TBX18: variants seen among roughly 807,000 people sequenced by gnomAD.
The protein encoded by TBX18 is T-box transcription factor 18.
TBX18 carries 21 observed loss-of-function variants against 55.0 expected under a neutral mutation model. That is an observed-to-expected ratio of 0.38 (90% CI 0.27 to 0.55). The LOEUF is 0.55. TBX18 is among the 20% of genes least tolerant of loss of function. The pLI is 0.73. For synonymous variants in TBX18, 342 were observed against 326.1 expected, an observed-to-expected ratio of 1.05 and a Z score of -0.53; for missense variants, 840 against 799.6, an observed-to-expected ratio of 1.05 and a Z score of -0.61.
intron 4 of TBX18, among the ~76,000 whole-genome samples, chr6:84,755,170 T>A (rs929144274): frequency 2.0e-5 from 3 of 152,142 alleles, no homozygotes; most frequent in Non-Finnish European, 4.4e-5. Flanking sequence ...ATTTAGTACA[T>A]TAGATATTAG....
intron 4 of TBX18, among the ~76,000 whole-genome samples, chr6:84,756,050 C>T (rs889513046): frequency 6.6e-6 from 1 of 152,238 alleles, no homozygotes; most frequent in East Asian, 1.9e-4. Flanking sequence ...AGCATGTATC[C>T]AGTTACTTAT....
chr6:84,736,074 ATGGGT>A lies in TBX18; in HGVS notation c.*606_*610del, dbSNP rs1773931274. The A allele has an allele frequency of 6.6e-6, 1 of 152,536 alleles. No individual in the cohort carries two copies. The highest frequency in any genetic ancestry group is 2.1e-4 in the South Asian group (1 of 4,832). The allele number at this position is 152,536 out of a possible 1,614,324, so 9.4% of individuals were successfully genotyped here. ...CTTCCTTAAGAAAATAACAATTATT[ATGGGT>A]TATGATTTTTTTATAGACCCAAGGT... On this transcript the variant is annotated 3_prime_UTR_variant, in exon 8 of 8. Transcript: ENST00000369663.
rs1215451977 is a variant in TBX18, at chr6:84,736,895, G to C, written c.1614C>G (p.Pro538=). The change falls in exon 8 of 8, where the codon CCC becomes CCG. Residue 538 remains proline (P), a synonymous_variant. Transcript: ENST00000369663. ...TTTTCTCAGGACTGGCAGCCAGTTT[G>C]GGGGATGTGGAGAAGTTATATCCAT... ...ALYGYNFSTS[P]KLAASPEKIV... is the part of the protein sequence containing the mutation. The C allele has an allele frequency of 1.9e-6, 3 of 1,613,218 alleles. No homozygotes were observed. Among genetic ancestry groups the C allele is most frequent in the Non-Finnish European group, 2.5e-6 (3 of 1,179,656 alleles).
rs778007857 is a variant in TBX18 at position 84,760,370 on chromosome 6, C to T, written c.498-14G>A. On this transcript the variant is annotated splice_polypyrimidine_tract_variant and intron_variant, in intron 2 of 7. Transcript: ENST00000369663. ...GGAAACATGCGCCTATTTAAAAAGG[C>T]GAAGAGAAAGAGGGTTTGGGGTTTT... 16 of 1,587,096 alleles carry T rather than the reference C, an allele frequency of 1.0e-5. No homozygotes were observed. In the Admixed American group the frequency reaches 1.0e-4, roughly 10 times the overall value.
chr6:84,738,500 G>T lies in TBX18; in HGVS notation c.1096C>A (p.Gln366Lys), dbSNP rs981184625. 6.2e-7 allele frequency: 1 copy of T among 1,613,650 alleles called. No homozygotes were observed. The highest frequency in any genetic ancestry group is 1.3e-5 in the African/African-American group (1 of 75,014). Residue 366 changes from glutamine to lysine, a missense_variant, in exon 7 of 8, where the codon CAA becomes AAA. Gln to Lys is a moderately conservative substitution (Grantham distance 53). Transcript: ENST00000369663. The part of the protein sequence containing the change: ...TFEDIPGIPK[Q>K]GNASSSTLLQ... ...CCCAGGAGACTTTGTGAGTTACCTT[G>T]CTTGGGAATTCCAGGGATATCTTCA...
At chr6:84,743,804 A>G (rs942687532) in intron 6 of TBX18, among the ~76,000 whole-genome samples, 2 of 152,230 alleles carry the variant, frequency 1.3e-5, no homozygotes, top group Non-Finnish European at 2.9e-5. Flanking sequence ...ACTAAAGAAC[A>G]TCAGCTCTCT....
At position 84,756,842 on chromosome 6, in the gene TBX18, C is replaced by T. The variant is rs1192639632; in HGVS notation, c.627G>A (p.Met209Ile). The T allele has an allele frequency of 6.2e-7, 1 of 1,614,104 alleles. No homozygotes were observed. The highest frequency in any genetic ancestry group is 2.2e-5 in the East Asian group (1 of 44,872). The change falls in exon 4 of 8, where the codon ATG becomes ATA. Residue 209 changes from methionine to isoleucine, a missense_variant. Coordinates refer to ENST00000369663, the MANE Select transcript of TBX18 (RefSeq NM_001080508.3). ...CAGGCGAGTCAGCATTACCTGCCAC[C>T]ATCCATTTCGAACTGTGGTAAACAT... ...YRYVYHSSKW[M>I]VAGNADSPVP...
At chr6:84,738,213 A>G (rs1283804240) in intron 7 of TBX18, among the ~76,000 whole-genome samples, 1 of 152,148 alleles carries the variant, frequency 6.6e-6, no homozygotes, top group African/African-American at 2.4e-5. Flanking sequence ...TGTGAACAGG[A>G]CCTGGCATCA....
At chr6:84,762,514 G>A (rs768088166) in intron 2 of TBX18, 30 bp downstream of exon 2, 1 of 1,612,042 alleles carries the variant, frequency 6.2e-7, no homozygotes, top group South Asian at 1.1e-5. Flanking sequence ...CTGGGGTAGG[G>A]AGGGGCGTCC....
chr6:84,748,994 G>T (rs1767270533), intron 4 of TBX18, among the ~76,000 whole-genome samples: 1 of 152,090 alleles, frequency 6.6e-6, no homozygotes, highest in Non-Finnish European at 1.5e-5. Context: ...GACCTAAATT[G>T]TTTATAAGCT....
At chr6:84,749,572 T>C (rs1364226743) in intron 4 of TBX18, among the ~76,000 whole-genome samples, 1 of 151,524 alleles carries the variant, frequency 6.6e-6, no homozygotes, top group African/African-American at 2.4e-5. Context: ...CCAGACACTC[T>C]AGGAGAGGAA....
chr6:84,754,970 G>A (rs1767447532), intron 4 of TBX18, among the ~76,000 whole-genome samples: 1 of 151,960 alleles, frequency 6.6e-6, no homozygotes, highest in Admixed American at 6.6e-5. Flanking sequence ...AATTTTCCTG[G>A]GTAAGCTCCT....
In TBX18 at chr6:84,764,579, C is replaced by G. The variant is rs1191454638; in HGVS notation, c.-398G>C. On this transcript the variant is annotated 5_prime_UTR_variant, in exon 1 of 8. Transcript: ENST00000369663. ...AATTTGTTGCCTTGATCTGTCAGCA[C>G]TTCCAGGCAGGAGAGCGGTGGGAAG... The G allele has an allele frequency of 5.9e-6, 1 of 170,170 alleles. No homozygotes were observed. The highest frequency in any genetic ancestry group is 2.4e-5 in the African/African-American group (1 of 42,260). The allele number at this position is 170,170 out of a possible 1,614,324, so 10.5% of individuals were successfully genotyped here.
At chr6:84,763,814 G>T in intron 1 of TBX18, 76 bp downstream of exon 1, 2 of 1,425,206 alleles carry the variant, frequency 1.4e-6, no homozygotes, top group Non-Finnish European at 1.8e-6. Context: ...GACGCGGCGC[G>T]CACGCACACC....
intron 1 of TBX18, chr6:84,763,602 G>A: frequency 1.6e-6 from 1 of 644,072 alleles, no homozygotes; most frequent in South Asian, 1.7e-5. Flanking sequence ...AAGGGAGGCA[G>A]ATGCAGGAAG....
At chr6:84,760,120 G>A (rs1767606486) in intron 3 of TBX18, 135 bp downstream of exon 3, 4 of 461,930 alleles carry the variant, frequency 8.7e-6, no homozygotes, top group Middle Eastern at 6.0e-4. Flanking sequence ...TGGCACCCAT[G>A]GGCGTTAAAG....
At position 84,756,786 on chromosome 6, in the gene TBX18, G is replaced by A; in HGVS notation, c.683C>T (p.Ser228Leu). 2 of 1,614,064 alleles carry A rather than the reference G, an allele frequency of 1.2e-6. No individual in the cohort carries two copies. Among genetic ancestry groups the A allele is most frequent in the Non-Finnish European group, 1.7e-6 (2 of 1,180,010 alleles). The part of the protein sequence containing the change: ...VPPRVYIHPD[S>L]PASGETWMRQ... ...CATCCAAGTCTCCCCCGAGGCAGGC[G>A]AGTCTGGATGAATGTACACACGGGG... is the stretch of plus-strand genomic sequence containing the variant. Residue 228 changes from serine (S) to leucine (L), a missense_variant, in exon 4 of 8, where the codon TCG becomes TTG. Coordinates refer to ENST00000369663, the MANE Select transcript of TBX18 (RefSeq NM_001080508.3).
Position 84,763,121 on chromosome 6 carries a change from A to T in TBX18, c.293-373T>A, listed in dbSNP as rs1024510231. On this transcript the variant is annotated intron_variant, in intron 1 of 7. Transcript: ENST00000369663. Reference sequence around the variant, plus strand: ...GAGTCAGAGGAGCTCCCGGGTCCAGAGTCCCCAGTGCAAACTCCGACGCAA... The same window carrying T: ...GAGTCAGAGGAGCTCCCGGGTCCAGTGTCCCCAGTGCAAACTCCGACGCAA... The T allele has an allele frequency of 1.0e-5, 4 of 390,988 alleles. No individual in the cohort carries two copies. The Admixed American group carries it at 1.6e-4, about 16-fold the overall frequency. The allele number at this position is 390,988 out of a possible 1,614,324, so 24.2% of individuals were successfully genotyped here. A position where few individuals can be genotyped will look rare whatever the true frequency, so the allele number is the denominator to read the frequency against.
chr6:84,747,365 A>G (rs1296911220), intron 5 of TBX18, among the ~76,000 whole-genome samples: 1 of 152,152 alleles, frequency 6.6e-6, no homozygotes, highest in African/African-American at 2.4e-5. Context: ...GAAAGGAAAT[A>G]TTTCACTTCT....
Sources: allele counts gnomAD v4.1 joint callset (sites outside exome capture counted in the v4.1 genomes callset), GRCh38; gene constraint gnomAD v4.1.1; transcripts MANE v1.5; gene names NCBI Gene and HGNC (gene_info 2026-07-23, HGNC 2026-07-21).